KLF17: variants seen among roughly 807,000 people sequenced by gnomAD.
KLF17 encodes Krueppel-like factor 17.
KLF17 carries 31 observed loss-of-function variants against 34.2 expected under a neutral mutation model. That is an observed-to-expected ratio of 0.91 (90% CI 0.68 to 1.22). The LOEUF (loss-of-function observed/expected upper bound fraction) is 1.22. Ranked by LOEUF, KLF17 falls within the 50% of genes most tolerant of loss-of-function variation. KLF17 has a pLI of 0.00. For missense variants in KLF17, 478 were observed against 505.2 expected, an observed-to-expected ratio of 0.95 and a Z score of 0.52; for synonymous variants, 179 against 186.7, an observed-to-expected ratio of 0.96 and a Z score of 0.34.
the KLF17 span, among the ~76,000 whole-genome samples, chr1:44,082,394 T>G: frequency 6.6e-6 from 1 of 152,200 alleles, no homozygotes; most frequent in Non-Finnish European, 1.5e-5. Flanking sequence ...TTAATGGTGG[T>G]GGCTATTTGT....
chr1:44,077,728 C>T, the KLF17 span, among the ~76,000 whole-genome samples: 4 of 152,320 alleles, frequency 2.6e-5, no homozygotes, highest in Admixed American at 2.0e-4. Context: ...CAGGCCTCTA[C>T]ACAGTCAGAA....
chr1:44,131,417 A>G (rs921321433), intron 3 of KLF17, among the ~76,000 whole-genome samples: 2 of 152,178 alleles, frequency 1.3e-5, no homozygotes, highest in Non-Finnish European at 2.9e-5. Flanking sequence ...CAGTTTCCAG[A>G]GCCAGACTAT....
At chr1:44,111,036 G>C in the KLF17 span, among the ~76,000 whole-genome samples, 3 of 152,054 alleles carry the variant, frequency 2.0e-5, no homozygotes, top group African/African-American at 4.8e-5. Flanking sequence ...ACCCAGGTTG[G>C]AATGCAGTGG....
At chr1:44,057,333 A>G in the KLF17 span, among the ~76,000 whole-genome samples, 1 of 152,210 alleles carries the variant, frequency 6.6e-6, no homozygotes, top group Non-Finnish European at 1.5e-5. Flanking sequence ...ATGAAAAGAA[A>G]GGAGAACGTT....
In KLF17 at chr1:44,129,698, G is replaced by T. The variant is rs1230922636; in HGVS notation, c.427G>T (p.Val143Leu). 1 of 1,614,166 alleles carries T rather than the reference G, an allele frequency of 6.2e-7. No individual in the cohort carries two copies. Among genetic ancestry groups the T allele is most frequent in the Admixed American group, 1.7e-5 (1 of 60,016 alleles). Residue 143 changes from valine to leucine, a missense_variant, in exon 2 of 4, where the codon GTA (valine) becomes TTA (leucine). Transcript: ENST00000372299. ...MPVGEPNIPR[V>L]ARPFGGNLRM... The stretch of plus-strand genomic sequence containing the variant: ...CGTAGGAGAGCCCAATATTCCAAGG[G>T]TAGCCAGGCCCTTCGGTGGGAATCT...
At chr1:44,065,626 T>A in the KLF17 span, among the ~76,000 whole-genome samples, 1 of 152,018 alleles carries the variant, frequency 6.6e-6, no homozygotes, top group Admixed American at 6.6e-5. Flanking sequence ...CCCAGGCTGG[T>A]CTCGAACTTG....
At chr1:44,085,594 A>C in the KLF17 span, among the ~76,000 whole-genome samples, 1 of 152,094 alleles carries the variant, frequency 6.6e-6, no homozygotes, top group Non-Finnish European at 1.5e-5. Flanking sequence ...GGAGTTCAAG[A>C]CTAGCCTAGG....
At chr1:44,110,556 T>C in the KLF17 span, 2 of 151,744 alleles carry the variant, frequency 1.3e-5, no homozygotes, top group African/African-American at 4.8e-5. Context: ...TAGCCTGGTG[T>C]GGTGGTGCAT....
At chr1:44,111,375 T>G in the KLF17 span, among the ~76,000 whole-genome samples, 3 of 152,222 alleles carry the variant, frequency 2.0e-5, no homozygotes, top group East Asian at 5.8e-4. Context: ...TTACATATGT[T>G]GGTGTATCCA....
At chr1:44,094,563 A>G in the KLF17 span, among the ~76,000 whole-genome samples, 1 of 152,170 alleles carries the variant, frequency 6.6e-6, no homozygotes, top group African/African-American at 2.4e-5. Context: ...GACTATGGCT[A>G]TCCATTTTCC....
the KLF17 span, among the ~76,000 whole-genome samples, chr1:44,050,439 A>G: frequency 2.6e-5 from 4 of 152,218 alleles, no homozygotes; most frequent in African/African-American, 9.6e-5. Flanking sequence ...AACAACTGGG[A>G]AGTTACCACC....
At chr1:44,106,074 G>T in the KLF17 span, among the ~76,000 whole-genome samples, 3,955 of 152,130 alleles carry the variant, frequency 0.026, 61 homozygotes, top group South Asian at 0.037. Flanking sequence ...CATCCTGCCA[G>T]TTTCCTACCC....
the KLF17 span, among the ~76,000 whole-genome samples, chr1:44,070,689 G>T: frequency 1.9e-4 from 28 of 148,320 alleles, no homozygotes; most frequent in African/African-American, 7.0e-4. Flanking sequence ...GAACTCCTGG[G>T]CTCCAGTGAG....
chr1:44,067,918 G>A, the KLF17 span, among the ~76,000 whole-genome samples: 1 of 152,148 alleles, frequency 6.6e-6, no homozygotes, highest in Non-Finnish European at 1.5e-5. Flanking sequence ...TGTGTTTCCT[G>A]TGTACCCTGG....
chr1:44,046,512 C>T, the KLF17 span, among the ~76,000 whole-genome samples: 14 of 147,770 alleles, frequency 9.5e-5, no homozygotes, highest in African/African-American at 3.0e-4. Context: ...TGGTCTGCCA[C>T]GCCCAACCTA....
upstream of KLF17, among the ~76,000 whole-genome samples, chr1:44,116,196 T>C (rs2087877841): frequency 6.6e-6 from 1 of 151,930 alleles, no homozygotes; most frequent in Non-Finnish European, 1.5e-5. Flanking sequence ...GATCCTGGAG[T>C]TGAGAGCTGA....
the KLF17 span, among the ~76,000 whole-genome samples, chr1:44,085,717 T>C: frequency 4.0e-3 from 601 of 150,508 alleles, 5 homozygotes; most frequent in African/African-American, 0.011. Context: ...GGTGGGAGGA[T>C]TGCTTGAGCC....
At chr1:44,095,930 T>TTTTG in the KLF17 span, among the ~76,000 whole-genome samples, 1 of 152,038 alleles carries the variant, frequency 6.6e-6, no homozygotes, top group Non-Finnish European at 1.5e-5. Flanking sequence ...TGGTGGAGTT[T>TTTTG]TTTGTTTGTT....
upstream of KLF17, among the ~76,000 whole-genome samples, chr1:44,117,827 G>A (rs894931671): frequency 1.3e-5 from 2 of 152,102 alleles, no homozygotes; most frequent in African/African-American, 4.8e-5. Context: ...TGGTGTCTCT[G>A]CACCCCTCTG....
Sources: gnomAD v4.1 joint callset for allele counts (sites outside exome capture counted in the v4.1 genomes callset) on GRCh38, gnomAD v4.1.1 for gene constraint, MANE v1.5 for transcripts, NCBI Gene and HGNC (gene_info 2026-07-23, HGNC 2026-07-21) for gene names.